TMCC1: variants seen among roughly 807,000 people sequenced by gnomAD.
TMCC1 encodes the protein transmembrane and coiled-coil domains protein 1.
A neutral mutation model predicts 52.4 loss-of-function variants in TMCC1; 15 were observed. The ratio of observed to expected loss-of-function variants is 0.29; its 90% CI spans 0.19 to 0.44. The LOEUF (loss-of-function observed/expected upper bound fraction) is 0.44, where lower values mean the gene tolerates loss of function less well. Among genes scored for constraint, TMCC1 ranks in the 20% least tolerant of loss-of-function variants. The pLI, the probability that TMCC1 is intolerant of heterozygous loss-of-function variation, is 1.00. For missense variants in TMCC1, 503 were observed against 806.0 expected (o/e 0.62, Z 4.55); for synonymous variants, 279 against 301.9 (o/e 0.92, Z 0.79).
Position 129,650,615 on chromosome 3 carries a change from C to CA in TMCC1, c.*865dup, listed in dbSNP as rs1193080674. 6 of 152,368 alleles carry CA rather than the reference C, an allele frequency of 3.9e-5. No individual in the cohort carries two copies. The East Asian group carries it at 5.8e-4, about 15-fold the overall frequency. The allele number at this position is 152,368 out of a possible 1,614,324, so 9.4% of individuals were successfully genotyped here. ...AATAAAAGACCCTCCCAACCCTGTC[C>CA]AAAAAAACCCAATAATAATAATAAC... On this transcript the variant is annotated 3_prime_UTR_variant, in exon 7 of 7. Coordinates refer to ENST00000393238, the MANE Select transcript of TMCC1 (RefSeq NM_001017395.5).
chr3:129,841,492 G>A (rs567554701), intron 2 of TMCC1, among the ~76,000 whole-genome samples: 1 of 152,146 alleles, frequency 6.6e-6, no homozygotes, highest in Non-Finnish European at 1.5e-5. Context: ...GCTGAGGCAG[G>A]AGAATCACTT....
chr3:129,765,534 T>C (rs2054055223), intron 4 of TMCC1, among the ~76,000 whole-genome samples: 1 of 152,200 alleles, frequency 6.6e-6, no homozygotes, highest in Admixed American at 6.5e-5. Flanking sequence ...CTAATCACTT[T>C]TATAAATTAT....
At chr3:129,854,062 C>T (rs1249636332) in intron 2 of TMCC1, among the ~76,000 whole-genome samples, 1 of 152,100 alleles carries the variant, frequency 6.6e-6, no homozygotes, top group Non-Finnish European at 1.5e-5. Context: ...ACTCTGGTAC[C>T]CCTTCAAGCC....
chr3:129,706,565 A>C (rs992260832), intron 4 of TMCC1, among the ~76,000 whole-genome samples: 2 of 152,204 alleles, frequency 1.3e-5, no homozygotes, highest in Non-Finnish European at 2.9e-5. Flanking sequence ...CCAAAAAGGA[A>C]GAGAAGAAAC....
chr3:129,853,453 C>A (rs1417996316), intron 2 of TMCC1, among the ~76,000 whole-genome samples: 1 of 151,122 alleles, frequency 6.6e-6, no homozygotes, highest in Non-Finnish European at 1.5e-5. Context: ...TGAGGCCCTG[C>A]CTCCACAAAA....
intron 4 of TMCC1, among the ~76,000 whole-genome samples, chr3:129,709,786 A>G (rs1490479779): frequency 1.3e-5 from 2 of 152,128 alleles, no homozygotes; most frequent in African/African-American, 4.8e-5. Context: ...ACAAAGCAGC[A>G]TAAGAACAAT....
At chr3:129,800,256 T>C (rs985976180) in intron 4 of TMCC1, among the ~76,000 whole-genome samples, 12 of 152,344 alleles carry the variant, frequency 7.9e-5, no homozygotes, top group African/African-American at 2.6e-4. Context: ...ATCTATGCTG[T>C]ATCTATTTTT....
chr3:129,650,656 T>C lies in TMCC1; in HGVS notation c.*825A>G, dbSNP rs1207500675. The C allele has an allele frequency of 6.6e-6, 1 of 152,572 alleles. No individual in the cohort carries two copies. Among genetic ancestry groups the C allele is most frequent in the Non-Finnish European group, 1.5e-5 (1 of 68,026 alleles). 9.5% of individuals were successfully genotyped at this position (152,572 alleles called of 1,614,324 possible). A position where few individuals can be genotyped will look rare whatever the true frequency, so the allele number is the denominator to read the frequency against. ...TAATAATAACAATAATAAAAAATCC[T>C]ATTAGAAACCATAAGGAAGCACTGA... On this transcript the variant is annotated 3_prime_UTR_variant, in exon 7 of 7. Transcript: ENST00000393238.
chr3:129,671,708 T>C (rs1011754086), intron 4 of TMCC1, among the ~76,000 whole-genome samples: 10 of 152,242 alleles, frequency 6.6e-5, no homozygotes, highest in South Asian at 2.1e-4. Flanking sequence ...TCCACACTTA[T>C]AGATTATGGT....
intron 2 of TMCC1, among the ~76,000 whole-genome samples, chr3:129,852,866 G>A (rs757877690): frequency 9.8e-5 from 15 of 152,298 alleles, no homozygotes; most frequent in East Asian, 1.9e-4. Flanking sequence ...TCTGAGTAGT[G>A]AGGTAATTTT....
intron 2 of TMCC1, among the ~76,000 whole-genome samples, chr3:129,859,169 T>C (rs1311996511): frequency 1.3e-5 from 2 of 152,204 alleles, no homozygotes; most frequent in Non-Finnish European, 2.9e-5. Flanking sequence ...AATAACCACA[T>C]GTAAATCTTA....
chr3:129,802,979 G>C (rs1252401370), intron 4 of TMCC1, among the ~76,000 whole-genome samples: 1 of 152,206 alleles, frequency 6.6e-6, no homozygotes, highest in Admixed American at 6.5e-5. Flanking sequence ...CCACTGATGA[G>C]GGACTTCTTG....
intron 4 of TMCC1, among the ~76,000 whole-genome samples, chr3:129,751,581 G>A (rs1576685010): frequency 6.7e-6 from 1 of 149,744 alleles, no homozygotes; most frequent in African/African-American, 2.5e-5. Context: ...TTTCCCCTCC[G>A]AGACAGAGTC....
chr3:129,690,071 T>C (rs1055759584), intron 4 of TMCC1, among the ~76,000 whole-genome samples: 2 of 152,204 alleles, frequency 1.3e-5, no homozygotes, highest in African/African-American at 4.8e-5. Flanking sequence ...GCAAAAACTA[T>C]CTGTAATCTC....
Position 129,885,922 on chromosome 3 carries a change from TA to T in TMCC1, c.-434-5364del, listed in dbSNP as rs571322283. Reference sequence around the variant, plus strand: ...CACGCCCAGCTAATTTTTGTATTTTTAGTAGAGACAGGGTTTCACCATGTTG... The same window carrying T: ...CACGCCCAGCTAATTTTTGTATTTTTGTAGAGACAGGGTTTCACCATGTTG... On this transcript the variant is annotated intron_variant, in intron 1 of 6. Transcript: ENST00000393238. Among the ~76,000 whole-genome samples, 145 of 150,572 alleles carry T rather than the reference TA, an allele frequency of 9.6e-4. 1 individual carries two copies. Among genetic ancestry groups the T allele is most frequent in the Middle Eastern group, 6.9e-3 (2 of 288 alleles).
intron 4 of TMCC1, among the ~76,000 whole-genome samples, chr3:129,674,362 T>C (rs2088218748): frequency 6.6e-6 from 1 of 152,182 alleles, no homozygotes; most frequent in South Asian, 2.1e-4. Flanking sequence ...CCCAACGTCT[T>C]CAGCCTCTAA....
At chr3:129,703,015 C>CA (rs1369592823) in intron 4 of TMCC1, among the ~76,000 whole-genome samples, 2 of 151,744 alleles carry the variant, frequency 1.3e-5, no homozygotes, top group African/African-American at 4.8e-5. Context: ...GACTTTGTCT[C>CA]AAAAAAACAA....
At chr3:129,841,641 A>G (rs2059428326) in intron 2 of TMCC1, among the ~76,000 whole-genome samples, 2 of 152,250 alleles carry the variant, frequency 1.3e-5, no homozygotes, top group South Asian at 4.1e-4. Context: ...TCACAAAGAG[A>G]TAGTCTGAAA....
intron 6 of TMCC1, 72 bp downstream of exon 6, chr3:129,654,896 C>T (rs1048521086): frequency 3.9e-6 from 6 of 1,555,578 alleles, no homozygotes; most frequent in Admixed American, 2.0e-5. Flanking sequence ...CATCTTTTTT[C>T]CTTCCGCTGT....
Sources: allele counts gnomAD v4.1 joint callset (sites outside exome capture counted in the v4.1 genomes callset), GRCh38; gene constraint gnomAD v4.1.1; transcripts MANE v1.5; gene names NCBI Gene and HGNC (gene_info 2026-07-23, HGNC 2026-07-21).